The following EXOC6B variants were observed in gnomAD, a reference collection of about 807,000 sequenced individuals.
The protein encoded by EXOC6B is exocyst complex component 6B.
In EXOC6B, 54 loss-of-function variants were observed where a neutral mutation model predicts 113.5. The ratio of observed to expected loss-of-function variants is 0.48; its 90% CI spans 0.38 to 0.60. EXOC6B has a LOEUF of 0.60. Ranked by LOEUF, EXOC6B falls within the 20% of genes least tolerant of loss-of-function variation. The pLI, the probability that EXOC6B is intolerant of heterozygous loss-of-function variation, is 0.00. For missense variants in EXOC6B, 797 were observed against 977.5 expected, an observed-to-expected ratio of 0.82 and a Z score of 2.46; for synonymous variants, 357 against 339.0, an observed-to-expected ratio of 1.05 and a Z score of -0.58.
intron 18 of EXOC6B, among the ~76,000 whole-genome samples, chr2:72,396,659 C>G (rs1240787340): frequency 6.6e-6 from 1 of 151,940 alleles, no homozygotes; most frequent in Non-Finnish European, 1.5e-5. Context: ...TACAGAGAAC[C>G]AGGATCTATA....
chr2:72,369,177 C>A lies in EXOC6B; in HGVS notation c.2122+10552G>T, dbSNP rs573536750. Among the ~76,000 whole-genome samples the A allele has an allele frequency of 3.3e-5, 5 of 152,286 alleles. No homozygotes were observed. The East Asian group carries it at 9.7e-4, about 29-fold the overall frequency. On this transcript the variant is annotated intron_variant, in intron 19 of 21. Coordinates refer to ENST00000272427, the MANE Select transcript of EXOC6B (RefSeq NM_015189.3). The stretch of plus-strand genomic sequence containing the variant: ...GCAACTTCAGCAAAGTCTCAGGATA[C>A]AAAATCAATGTGCAAAAATCACAAG...
chr2:72,369,982 G>A (rs935683217), intron 19 of EXOC6B, among the ~76,000 whole-genome samples: 6 of 152,178 alleles, frequency 3.9e-5, no homozygotes, highest in East Asian at 3.9e-4. Context: ...CACCAAAAGC[G>A]ATGGCAACAA....
At chr2:72,427,710 G>A (rs983074429) in intron 18 of EXOC6B, among the ~76,000 whole-genome samples, 1 of 152,134 alleles carries the variant, frequency 6.6e-6, no homozygotes, top group Non-Finnish European at 1.5e-5. Context: ...GGGGGCAGAC[G>A]GGCACCCTGG....
intron 18 of EXOC6B, among the ~76,000 whole-genome samples, chr2:72,455,082 C>T (rs1697138536): frequency 6.6e-6 from 1 of 151,996 alleles, no homozygotes; most frequent in African/African-American, 2.4e-5. Context: ...AATCTTGAAT[C>T]TTGGATCTAC....
At chr2:72,192,594 C>T (rs888080370) in intron 20 of EXOC6B, among the ~76,000 whole-genome samples, 2 of 152,134 alleles carry the variant, frequency 1.3e-5, no homozygotes. Context: ...AGAAAGCCTC[C>T]TCTTTCCAGA....
At chr2:72,565,843 T>C (rs1298902728) in intron 7 of EXOC6B, among the ~76,000 whole-genome samples, 1 of 151,878 alleles carries the variant, frequency 6.6e-6, no homozygotes, top group Non-Finnish European at 1.5e-5. Flanking sequence ...ATTGCTGGGG[T>C]GGGTGGTGGG....
intron 6 of EXOC6B, among the ~76,000 whole-genome samples, chr2:72,660,772 G>A (rs745713310): frequency 1.3e-5 from 2 of 151,304 alleles, no homozygotes; most frequent in Non-Finnish European, 2.9e-5. Context: ...GTAGATTGAG[G>A]AAGAAGACCA....
At chr2:72,814,874 C>T (rs1273818142) in intron 1 of EXOC6B, among the ~76,000 whole-genome samples, 1 of 152,122 alleles carries the variant, frequency 6.6e-6, no homozygotes. Flanking sequence ...GCCTGTAGTC[C>T]CAGCTACTCC....
chr2:72,315,886 AT>A (rs1421789561), intron 20 of EXOC6B, among the ~76,000 whole-genome samples: 1 of 152,174 alleles, frequency 6.6e-6, no homozygotes, highest in Non-Finnish European at 1.5e-5. Flanking sequence ...GATGAAGATA[AT>A]TATATTTCTA....
chr2:72,547,676 G>A (rs577720641), intron 8 of EXOC6B, among the ~76,000 whole-genome samples: 2 of 152,248 alleles, frequency 1.3e-5, no homozygotes, highest in Admixed American at 6.5e-5. Flanking sequence ...GTATAAAGGA[G>A]CTTAAAGTAC....
At chr2:72,463,489 G>A (rs1297688711) in intron 18 of EXOC6B, 1 of 152,088 alleles carries the variant, frequency 6.6e-6, no homozygotes, top group African/African-American at 2.4e-5. Context: ...TTTGAGGAAC[G>A]TAGACAAGGG....
chr2:72,661,646 C>T (rs539363011), intron 6 of EXOC6B, among the ~76,000 whole-genome samples: 152 of 151,942 alleles, frequency 1.0e-3, no homozygotes, highest in African/African-American at 3.5e-3. Flanking sequence ...GCTACAGATT[C>T]GATGCAATTG....
rs190518649 is a variant in EXOC6B at position 72,336,590 on chromosome 2, G to A, written c.2123-1570C>T. On this transcript the variant is annotated intron_variant, in intron 19 of 21. Coordinates refer to ENST00000272427, the MANE Select transcript of EXOC6B (RefSeq NM_015189.3). ...AAAATGCCTCATTTTTCATTTTAAT[G>A]AGATAAATTATATGGCATGCTTGGC... Among the ~76,000 whole-genome samples the A allele has an allele frequency of 4.2e-3, 637 of 152,200 alleles. 5 individuals carry two copies. Among genetic ancestry groups the A allele is most frequent in the Non-Finnish European group, 5.9e-3 (399 of 68,006 alleles).
chr2:72,203,348 C>T (rs72835256), intron 20 of EXOC6B, among the ~76,000 whole-genome samples: 9,884 of 152,250 alleles, frequency 0.065, 396 homozygotes, highest in Non-Finnish European at 0.089. Flanking sequence ...GGAGATTATA[C>T]GCTCTTTAAG....
intron 20 of EXOC6B, among the ~76,000 whole-genome samples, chr2:72,316,935 T>C (rs1223736541): frequency 6.6e-6 from 1 of 152,200 alleles, no homozygotes; most frequent in East Asian, 1.9e-4. Context: ...GAGAGTACTC[T>C]GTGATAGGCA....
chr2:72,673,237 C>T (rs1330900983), intron 6 of EXOC6B, among the ~76,000 whole-genome samples: 1 of 152,142 alleles, frequency 6.6e-6, no homozygotes, highest in East Asian at 1.9e-4. Context: ...TTAGAATCAG[C>T]TAATAAAGGA....
chr2:72,730,900 T>A (rs1490472307), intron 5 of EXOC6B, 107 bp downstream of exon 5: 1 of 631,948 alleles, frequency 1.6e-6, no homozygotes, highest in Non-Finnish European at 2.6e-6. Flanking sequence ...GGTTAAGATG[T>A]TAGAAACTTA....
intron 19 of EXOC6B, among the ~76,000 whole-genome samples, chr2:72,366,907 T>G (rs528417735): frequency 1.3e-5 from 2 of 150,966 alleles, no homozygotes; most frequent in African/African-American, 4.9e-5. Flanking sequence ...AATTGCGCTA[T>G]AGTGTACATT....
At chr2:72,808,489 T>A (rs1685702695) in intron 1 of EXOC6B, among the ~76,000 whole-genome samples, 1 of 152,180 alleles carries the variant, frequency 6.6e-6, no homozygotes, top group Admixed American at 6.5e-5. Context: ...GCAAGCATGG[T>A]GGCTCATATA....
Sources: allele counts gnomAD v4.1 joint callset (sites outside exome capture counted in the v4.1 genomes callset), GRCh38; gene constraint gnomAD v4.1.1; transcripts MANE v1.5; gene names NCBI Gene and HGNC (gene_info 2026-07-23, HGNC 2026-07-21).